SLC7A8: variants seen among roughly 807,000 people sequenced by gnomAD.
The protein encoded by SLC7A8 is solute carrier family 7 member 8.
Under a neutral mutation model 51.2 loss-of-function variants are expected in SLC7A8, and 30 were observed. The observed-to-expected ratio is 0.59, with a 90% CI of 0.44 to 0.80. SLC7A8 has a LOEUF of 0.80. SLC7A8 is among the 30% of genes least tolerant of loss of function. The pLI is 0.00. For synonymous variants in SLC7A8, 257 were observed against 275.8 expected (o/e 0.93, Z 0.67); for missense variants, 612 against 674.4 (o/e 0.91, Z 1.03).
chr14:23,169,845 A>T (rs1343752164), intron 1 of SLC7A8, among the ~76,000 whole-genome samples: 1 of 152,206 alleles, frequency 6.6e-6, no homozygotes, highest in Non-Finnish European at 1.5e-5. Context: ...TGCCTAAATC[A>T]TAGGGTGAGT....
chr14:23,160,120 C>T (rs903749865), intron 3 of SLC7A8, among the ~76,000 whole-genome samples: 7 of 152,154 alleles, frequency 4.6e-5, no homozygotes, highest in African/African-American at 9.7e-5. Context: ...GGGGAGCAAA[C>T]GGATCCCAAA....
chr14:23,141,216 T>G (rs1349361371), intron 4 of SLC7A8, among the ~76,000 whole-genome samples: 1 of 152,122 alleles, frequency 6.6e-6, no homozygotes, highest in Non-Finnish European at 1.5e-5. Context: ...GCCCAGGAGT[T>G]TGAGGCTGCA....
chr14:23,170,584 G>A (rs1344707505), intron 1 of SLC7A8, among the ~76,000 whole-genome samples: 6 of 151,828 alleles, frequency 4.0e-5, no homozygotes, highest in African/African-American at 1.2e-4. Context: ...TCACCCTCCC[G>A]AGTAGCTGGG....
intron 1 of SLC7A8, among the ~76,000 whole-genome samples, chr14:23,173,036 G>A (rs2048982405): frequency 6.6e-6 from 1 of 152,188 alleles, no homozygotes; most frequent in African/African-American, 2.4e-5. Context: ...CCATTTTTAA[G>A]TCTATAGTTT....
chr14:23,141,121 C>T (rs1365086021), intron 4 of SLC7A8, among the ~76,000 whole-genome samples: 4 of 151,910 alleles, frequency 2.6e-5, no homozygotes, highest in Admixed American at 6.6e-5. Flanking sequence ...CCATCTCCAC[C>T]ACTAATTTAA....
intron 3 of SLC7A8, among the ~76,000 whole-genome samples, chr14:23,145,229 T>A (rs2048782041): frequency 6.6e-6 from 1 of 151,220 alleles, no homozygotes. Flanking sequence ...TTTCTTTGTA[T>A]TAAAATGACC....
At chr14:23,145,653 T>C (rs539801733) in intron 3 of SLC7A8, among the ~76,000 whole-genome samples, 1 of 152,224 alleles carries the variant, frequency 6.6e-6, no homozygotes, top group East Asian at 1.9e-4. Flanking sequence ...AAGTATTTAA[T>C]AAATGAATTT....
intron 3 of SLC7A8, among the ~76,000 whole-genome samples, chr14:23,143,792 T>C (rs1354101922): frequency 6.6e-6 from 1 of 152,216 alleles, no homozygotes; most frequent in East Asian, 1.9e-4. Flanking sequence ...TGCATCATGC[T>C]CCTTTGTAGT....
At chr14:23,179,425 A>C (rs916694863) in intron 1 of SLC7A8, among the ~76,000 whole-genome samples, 1 of 152,062 alleles carries the variant, frequency 6.6e-6, no homozygotes, top group Non-Finnish European at 1.5e-5. Context: ...TTTACAAAAC[A>C]TGTAGTTTAA....
At chr14:23,154,172 T>C in intron 3 of SLC7A8, 1 of 889,874 alleles carries the variant, frequency 1.1e-6, no homozygotes, top group Non-Finnish European at 1.4e-6. Context: ...ACAGGCACCT[T>C]TCTGGATGGA....
At chr14:23,131,428 T>G in intron 8 of SLC7A8, 33 bp downstream of exon 8, 1 of 1,502,066 alleles carries the variant, frequency 6.7e-7, no homozygotes, top group Non-Finnish European at 9.0e-7. Context: ...GAGAGGGAGG[T>G]GTGTGGAGAG....
At chr14:23,155,099 A>C in intron 3 of SLC7A8, 1 of 1,447,916 alleles carries the variant, frequency 6.9e-7, no homozygotes, top group Non-Finnish European at 9.3e-7. Flanking sequence ...GTTTTGAAAC[A>C]GATCTTGCCT....
Position 23,128,154 on chromosome 14 carries a change from AG to A in SLC7A8, c.1305del (p.Phe436SerfsTer22), listed in dbSNP as rs778197019. On this transcript the variant is annotated frameshift_variant, in exon 10 of 11. Coordinates refer to ENST00000316902, the MANE Select transcript of SLC7A8 (RefSeq NM_012244.4). LOFTEE classifies it high-confidence loss of function. The surrounding 1 kb of genome is among the most constrained non-coding windows in gnomAD (Gnocchi z 4.3). ...GACCACAGGCTGAAGACCAGCAGGAAGGCCCAGAACAGCAAGTAGATGATGG... is the reference window on the plus strand; with the variant it reads ...GACCACAGGCTGAAGACCAGCAGGAAGCCCAGAACAGCAAGTAGATGATGG... ...LFPIIYLLFW[A>X]FLLVFSLWSE... The A allele has an allele frequency of 1.2e-6, 2 of 1,614,208 alleles. No homozygotes were observed. Among genetic ancestry groups the A allele is most frequent in the Non-Finnish European group, 1.7e-6 (2 of 1,180,020 alleles).
intron 3 of SLC7A8, among the ~76,000 whole-genome samples, chr14:23,143,786 T>C (rs1286137177): frequency 2.0e-5 from 3 of 152,242 alleles, no homozygotes; most frequent in Non-Finnish European, 2.9e-5. Context: ...TCCTTTTGCA[T>C]CATGCTCCTT....
intron 1 of SLC7A8, among the ~76,000 whole-genome samples, chr14:23,180,181 C>T (rs1178520539): frequency 3.3e-5 from 5 of 152,196 alleles, no homozygotes; most frequent in South Asian, 2.1e-4. Context: ...GCTGGGATTA[C>T]AGGTGTGAGC....
chr14:23,138,244 T>A (rs2048709692), intron 6 of SLC7A8: 2 of 516,778 alleles, frequency 3.9e-6, no homozygotes, highest in Non-Finnish European at 6.8e-6. Flanking sequence ...TACACACTGG[T>A]AATAATAATA....
Position 23,128,215 on chromosome 14 carries a change from A to G in SLC7A8, c.1264-19T>C. On this transcript the variant is annotated intron_variant, in intron 9 of 10. Transcript: ENST00000316902. The surrounding 1 kb of genome is among the most constrained non-coding windows in gnomAD (Gnocchi z 4.3). ...GGTTGATCTGTGGAGCAGAGGCATG[A>G]GGCGTATGAACTGTGTAGGCCACGT... 4.3e-6 allele frequency: 7 copies of G among 1,613,618 alleles called. No individual in the cohort carries two copies. Among genetic ancestry groups the G allele is most frequent in the Non-Finnish European group, 5.9e-6 (7 of 1,179,808 alleles).
At chr14:23,157,882 A>G (rs1040347779) in intron 3 of SLC7A8, among the ~76,000 whole-genome samples, 1 of 152,198 alleles carries the variant, frequency 6.6e-6, no homozygotes, top group African/African-American at 2.4e-5. Context: ...AATTCCCTGT[A>G]TACTTGTCAG....
intron 3 of SLC7A8, among the ~76,000 whole-genome samples, chr14:23,143,565 G>C (rs1852122769): frequency 6.6e-6 from 1 of 152,178 alleles, no homozygotes; most frequent in Admixed American, 6.5e-5. Context: ...GCAGCTGGTG[G>C]GAGTCAGGAA....
Sources: allele counts gnomAD v4.1 joint callset (sites outside exome capture counted in the v4.1 genomes callset), GRCh38; gene constraint gnomAD v4.1.1; non-coding constraint Gnocchi (gnomAD v3.1); transcripts MANE v1.5; gene names NCBI Gene and HGNC (gene_info 2026-07-23, HGNC 2026-07-21).